MGST2: variants seen among roughly 807,000 people sequenced by gnomAD.
MGST2 encodes the protein microsomal glutathione S-transferase 2, also known as glutathione peroxidase MGST2.
A neutral mutation model predicts 16.6 loss-of-function variants in MGST2; 9 were observed. The observed-to-expected ratio is 0.54, with a 90% CI of 0.33 to 0.95. MGST2 has a LOEUF of 0.95. Ranked by LOEUF, MGST2 falls within the 40% of genes least tolerant of loss-of-function variation. MGST2 has a pLI of 0.03. For missense variants in MGST2, 159 were observed against 175.1 expected (o/e 0.91, Z 0.52); for synonymous variants, 79 against 68.0 (o/e 1.16, Z -0.79).
chr4:139,717,758 G>A (rs548692922), intron 5 of MGST2: 2 of 152,562 alleles, frequency 1.3e-5, no homozygotes, highest in East Asian at 3.9e-4. Context: ...AGGACACGGA[G>A]GGAGGAGGGG....
At chr4:139,675,653 G>T (rs1234170200) in intron 1 of MGST2, among the ~76,000 whole-genome samples, 1 of 152,226 alleles carries the variant, frequency 6.6e-6, no homozygotes. Flanking sequence ...GAAAAGGAAA[G>T]TTTTATTAGA....
chr4:139,733,477 ATGGGGT>A (rs1728805070), intron 5 of MGST2, among the ~76,000 whole-genome samples: 1 of 151,258 alleles, frequency 6.6e-6, no homozygotes, highest in African/African-American at 2.4e-5. Context: ...AGAGAGGCAA[ATGGGGT>A]GACGACGATA....
chr4:139,730,890 G>A (rs1307083049), intron 5 of MGST2: 3 of 576,310 alleles, frequency 5.2e-6, no homozygotes, highest in Non-Finnish European at 9.3e-6. Context: ...CATGGCTCTG[G>A]GAAGTCCAAG....
chr4:139,718,528 GT>G (rs1176012603), intron 5 of MGST2: 1 of 152,360 alleles, frequency 6.6e-6, no homozygotes, highest in Non-Finnish European at 1.5e-5. Context: ...GGATGTATGG[GT>G]TTTGTATTGG....
intron 5 of MGST2, among the ~76,000 whole-genome samples, chr4:139,720,625 G>T (rs116818234): frequency 1.3e-5 from 2 of 152,158 alleles, no homozygotes; most frequent in South Asian, 2.1e-4. Context: ...AATTGGGATC[G>T]TACTGTGCAT....
In MGST2 at chr4:139,698,092, A is replaced by C. The variant is rs1444463553; in HGVS notation, c.229+2825A>C. 3.0e-6 allele frequency: 3 copies of C among 997,500 alleles called. No individual in the cohort carries two copies. The East Asian group carries it at 8.3e-5, about 28-fold the overall frequency. The allele number at this position is 997,500 out of a possible 1,614,324, so 61.8% of individuals were successfully genotyped here. On this transcript the variant is annotated intron_variant, in intron 3 of 4. Coordinates refer to ENST00000265498, the MANE Select transcript of MGST2 (RefSeq NM_002413.5). ...TTCAGAACTACCAATAACAGGAAGA[A>C]GAGAAATTTTTTTTTTTTTGAGAAT...
intron 3 of MGST2, among the ~76,000 whole-genome samples, chr4:139,696,687 A>T (rs1475030605): frequency 6.6e-6 from 1 of 152,204 alleles, no homozygotes; most frequent in Non-Finnish European, 1.5e-5. Flanking sequence ...TGTGAGTGTC[A>T]TGCACAACGC....
intron 5 of MGST2, chr4:139,719,905 G>A: frequency 6.2e-7 from 1 of 1,614,040 alleles, no homozygotes; most frequent in Non-Finnish European, 8.5e-7. Flanking sequence ...GCCTTGGAGG[G>A]GCTTGGGGCC....
chr4:139,753,672 G>A, the MGST2 span, among the ~76,000 whole-genome samples: 1 of 152,204 alleles, frequency 6.6e-6, no homozygotes, highest in African/African-American at 2.4e-5. Flanking sequence ...AGGCTGAGGT[G>A]AGAATTAATA....
chr4:139,720,261 G>C (rs772679392), intron 5 of MGST2: 2 of 1,593,366 alleles, frequency 1.3e-6, no homozygotes, highest in Non-Finnish European at 1.7e-6. Context: ...GCCATCAGCC[G>C]TGACGTTCGC....
chr4:139,748,576 A>C, the MGST2 span, among the ~76,000 whole-genome samples: 10 of 152,186 alleles, frequency 6.6e-5, no homozygotes, highest in African/African-American at 2.2e-4. Context: ...GAGGCCAAGA[A>C]CAGACCCTGG....
At chr4:139,721,309 T>C (rs948643488) in intron 5 of MGST2, among the ~76,000 whole-genome samples, 3 of 152,180 alleles carry the variant, frequency 2.0e-5, no homozygotes, top group South Asian at 2.1e-4. Flanking sequence ...ATGTCGCCAG[T>C]AGAACACCAG....
chr4:139,704,161 C>G lies in MGST2; in HGVS notation c.*13C>G. 1 of 1,613,878 alleles carries G rather than the reference C, an allele frequency of 6.2e-7. No homozygotes were observed. The highest frequency in any genetic ancestry group is 8.5e-7 in the Non-Finnish European group (1 of 1,179,782). ...GCGGCAATTCTAACTTTTTCTCTTC[C>G]CTTTAATACTTGCAGAAGCTGTTCC... On this transcript the variant is annotated 3_prime_UTR_variant, in exon 5 of 5. Transcript: ENST00000265498.
At chr4:139,745,095 G>A (rs556404807), downstream of MGST2, among the ~76,000 whole-genome samples, 25 of 152,348 alleles carry the variant, frequency 1.6e-4, no homozygotes, top group South Asian at 5.0e-3. Flanking sequence ...ACTTGACTGA[G>A]AGCCTTGATG....
In MGST2 at chr4:139,703,544, G is replaced by A; in HGVS notation, c.311+8G>A. On this transcript the variant is annotated splice_region_variant and intron_variant, in intron 4 of 4. Transcript: ENST00000265498. ...AGAAGCTGCTAAAAAACGGTAAGGA[G>A]AACCCAGTAATTTTGTATTTATGCA... The A allele has an allele frequency of 6.2e-7, 1 of 1,612,342 alleles. No homozygotes were observed. Among genetic ancestry groups the A allele is most frequent in the Non-Finnish European group, 8.5e-7 (1 of 1,178,458 alleles).
rs1041382440 is a variant in MGST2, at chr4:139,715,802, T to C, written c.*48+11606T>C. On this transcript the variant is annotated intron_variant, in intron 5 of 5. Coordinates refer to the MGST2 transcript ENST00000616265. The surrounding 1 kb of genome is among the most constrained non-coding windows in gnomAD (Gnocchi z 4.4). The stretch of plus-strand genomic sequence containing the variant: ...GTTTTGGTGGGCTTTGGCTGGCTCC[T>C]TTACTGCAAACTGTTTTATCAGCAA... Among the ~76,000 whole-genome samples, 3 of 152,236 alleles carry C rather than the reference T, an allele frequency of 2.0e-5. No individual in the cohort carries two copies. The highest frequency in any genetic ancestry group is 4.4e-5 in the Non-Finnish European group (3 of 68,048).
chr4:139,681,398 C>G (rs769463475), intron 2 of MGST2, among the ~76,000 whole-genome samples: 2 of 152,128 alleles, frequency 1.3e-5, no homozygotes, highest in Admixed American at 1.3e-4. Flanking sequence ...AAAACGCATA[C>G]TAGTTGTGTG....
At position 139,665,855 on chromosome 4, in the gene MGST2, C is replaced by T. The variant is rs572915342; in HGVS notation, c.-165C>T. On this transcript the variant is annotated 5_prime_UTR_variant, in exon 1 of 5. Coordinates refer to ENST00000265498, the MANE Select transcript of MGST2 (RefSeq NM_002413.5). ...TGACCGGCAGCCCCAGACCTGCCTG[C>T]CTTCCTGACTTCTGTTCCAGAGCAA... 4.8e-4 allele frequency: 343 copies of T among 717,676 alleles called. No individual in the cohort carries two copies. The highest frequency in any genetic ancestry group is 7.5e-4 in the Non-Finnish European group (301 of 400,320). 44.5% of individuals were successfully genotyped at this position (717,676 alleles called of 1,614,324 possible). A position where few individuals can be genotyped will look rare whatever the true frequency, so the allele number is the denominator to read the frequency against.
At chr4:139,673,629 G>A (rs996333688) in intron 1 of MGST2, among the ~76,000 whole-genome samples, 1 of 152,090 alleles carries the variant, frequency 6.6e-6, no homozygotes, top group South Asian at 2.1e-4. Context: ...GTCCAGGCTG[G>A]TCTCAAACTC....
Sources: gnomAD v4.1 joint callset for allele counts (sites outside exome capture counted in the v4.1 genomes callset) on GRCh38, gnomAD v4.1.1 for gene constraint, Gnocchi (gnomAD v3.1) non-coding constraint, MANE v1.5 for transcripts, NCBI Gene and HGNC (gene_info 2026-07-23, HGNC 2026-07-21) for gene names.